Variants in VPS54 observed in about 807,000 individuals in gnomAD.
VPS54 encodes the protein vacuolar protein sorting-associated protein 54.
In VPS54, 45 loss-of-function variants were observed where a neutral mutation model predicts 121.5. That is an observed-to-expected ratio of 0.37 (90% CI 0.29 to 0.47). The LOEUF is 0.47. VPS54 is among the 20% of genes least tolerant of loss of function. VPS54 has a pLI of 0.99. For missense variants in VPS54, 1,090 were observed against 1,131.4 expected (o/e 0.96, Z 0.52); for synonymous variants, 371 against 385.8 (o/e 0.96, Z 0.45).
At chr2:63,942,772 T>C (rs776001017) in intron 10 of VPS54, among the ~76,000 whole-genome samples, 3 of 152,152 alleles carry the variant, frequency 2.0e-5, no homozygotes, top group African/African-American at 7.2e-5. Flanking sequence ...ATATCATATA[T>C]CAATTTCATA....
At chr2:63,902,980 C>CAACATAACATAACAT (rs70965151) in intron 20 of VPS54, among the ~76,000 whole-genome samples, 2,504 of 151,528 alleles carry the variant, frequency 0.017, 27 homozygotes, top group African/African-American at 0.027. Context: ...AATAACATAA[C>CAACATAACATAACAT]AACATAACAT....
At chr2:63,947,098 TATA>T (rs1469714026) in intron 9 of VPS54, among the ~76,000 whole-genome samples, 5 of 152,030 alleles carry the variant, frequency 3.3e-5, no homozygotes, top group East Asian at 3.9e-4. Context: ...TGAAAGCTTT[TATA>T]ATAATATGAG....
At chr2:63,911,131 T>C (rs953841156) in intron 20 of VPS54, among the ~76,000 whole-genome samples, 5 of 152,218 alleles carry the variant, frequency 3.3e-5, no homozygotes, top group Admixed American at 6.5e-5. Flanking sequence ...AGACACAATA[T>C]GTTACCGACT....
chr2:63,951,434 C>T (rs144465054), intron 7 of VPS54, among the ~76,000 whole-genome samples: 1 of 151,992 alleles, frequency 6.6e-6, no homozygotes. Context: ...TAAGAGATCA[C>T]CTTTTACTGT....
rs1265842185 is a variant in VPS54 at position 63,968,410 on chromosome 2, T to TA, written c.492+546dup. On this transcript the variant is annotated intron_variant, in intron 5 of 22. Transcript: ENST00000272322. ...TGTCAATTAAAAACATTTTTTCGTTTAAAAAAAAAAAAAGAAAAAGGCCAG... is the reference window on the plus strand; with the variant it reads ...TGTCAATTAAAAACATTTTTTCGTTTAAAAAAAAAAAAAAGAAAAAGGCCAG... 2.0e-3 allele frequency among the ~76,000 whole-genome samples: 287 copies of TA among 142,672 alleles called. 3 individuals are homozygous for TA. Among genetic ancestry groups the TA allele is most frequent in the African/African-American group, 5.6e-3 (217 of 38,944 alleles). 93.6% of individuals were successfully genotyped at this position (142,672 alleles called of 152,430 possible). A position where few individuals can be genotyped will look rare whatever the true frequency, so the allele number is the denominator to read the frequency against.
At chr2:63,971,931 G>A (rs1676301476) in intron 4 of VPS54, among the ~76,000 whole-genome samples, 1 of 152,036 alleles carries the variant, frequency 6.6e-6, no homozygotes, top group African/African-American at 2.4e-5. Context: ...AAGCAACAAG[G>A]AACATACCAA....
At chr2:64,003,760 T>C (rs547315272) in intron 1 of VPS54, among the ~76,000 whole-genome samples, 2 of 152,312 alleles carry the variant, frequency 1.3e-5, no homozygotes, top group East Asian at 3.9e-4. Flanking sequence ...AGATTTGATT[T>C]TCTTTCTTAT....
chr2:63,970,031 C>A (rs983555672), intron 4 of VPS54, among the ~76,000 whole-genome samples: 1 of 151,556 alleles, frequency 6.6e-6, no homozygotes, highest in Non-Finnish European at 1.5e-5. Context: ...AGATAAGGTA[C>A]TACTCTCCTC....
At chr2:63,988,188 G>A (rs1191738959) in intron 1 of VPS54, among the ~76,000 whole-genome samples, 1 of 152,188 alleles carries the variant, frequency 6.6e-6, no homozygotes, top group Non-Finnish European at 1.5e-5. Flanking sequence ...TTTGAGGAAT[G>A]TTCCTTCTAT....
rs537047614 is a variant in VPS54, at chr2:63,925,442, G to A, written c.1740-4107C>T. On this transcript the variant is annotated intron_variant, in intron 12 of 22. Coordinates refer to ENST00000272322, the MANE Select transcript of VPS54 (RefSeq NM_016516.3). ...ACACTTCTGAGGGGAGCATAAATGAGTACAACCACTTTGAGAAATTGTTAG... is the reference window on the plus strand; with the variant it reads ...ACACTTCTGAGGGGAGCATAAATGAATACAACCACTTTGAGAAATTGTTAG... Among the ~76,000 whole-genome samples the A allele has an allele frequency of 7.9e-5, 12 of 152,294 alleles. No individual in the cohort carries two copies. The South Asian group carries it at 2.5e-3, about 32-fold the overall frequency.
chr2:64,002,363 A>C (rs2104678509), intron 1 of VPS54, among the ~76,000 whole-genome samples: 2 of 152,308 alleles, frequency 1.3e-5, no homozygotes, highest in South Asian at 4.1e-4. Context: ...TAGTTGTTAA[A>C]TTTGGTGTTC....
chr2:63,966,945 C>T (rs1390818438), intron 5 of VPS54, among the ~76,000 whole-genome samples: 1 of 152,260 alleles, frequency 6.6e-6, no homozygotes, highest in East Asian at 1.9e-4. Context: ...ATCAAAAGGG[C>T]AAATGTGTCG....
chr2:63,999,510 A>G (rs1333585475), intron 1 of VPS54, among the ~76,000 whole-genome samples: 1 of 139,664 alleles, frequency 7.2e-6, no homozygotes, highest in African/African-American at 2.8e-5. Flanking sequence ...TGCTCCTTTT[A>G]GTATCCTTGC....
chr2:64,018,665 G>C (rs1032510478), intron 1 of VPS54, among the ~76,000 whole-genome samples: 2 of 151,558 alleles, frequency 1.3e-5, no homozygotes, highest in African/African-American at 4.9e-5. Flanking sequence ...AGATAAGAGA[G>C]GGGCAAGAGC....
At chr2:63,954,318 A>G (rs1354761673) in intron 7 of VPS54, among the ~76,000 whole-genome samples, 3 of 152,052 alleles carry the variant, frequency 2.0e-5, no homozygotes, top group Non-Finnish European at 4.4e-5. Context: ...ATTGATAAAA[A>G]TTAAAAAGAA....
chr2:63,935,855 G>C (rs948199306), intron 11 of VPS54, among the ~76,000 whole-genome samples: 1 of 152,106 alleles, frequency 6.6e-6, no homozygotes, highest in Non-Finnish European at 1.5e-5. Context: ...AAAAACTCCA[G>C]GTGAAAAATT....
intron 7 of VPS54, among the ~76,000 whole-genome samples, chr2:63,959,796 A>G (rs905257702): frequency 2.0e-5 from 3 of 152,052 alleles, no homozygotes; most frequent in Non-Finnish European, 4.4e-5. Flanking sequence ...CGACATGGGC[A>G]GATCACCGGA....
At chr2:63,942,593 A>G (rs1184873651) in intron 10 of VPS54, 32 bp from the exon 11 acceptor site, 1 of 1,518,262 alleles carries the variant, frequency 6.6e-7, no homozygotes, top group South Asian at 1.2e-5. Context: ...AAAAATAATG[A>G]TTGTCTCTGG....
Position 63,933,998 on chromosome 2 carries a change from T to C in VPS54, c.1414A>G (p.Ile472Val), listed in dbSNP as rs958191896. 2 of 1,611,578 alleles carry C rather than the reference T, an allele frequency of 1.2e-6. No individual in the cohort carries two copies. The highest frequency in any genetic ancestry group is 1.7e-6 in the Non-Finnish European group (2 of 1,178,708). ...LQRVKATLNI[I>V]HSVVLSVLDK... ...AGAACTGAGAGAACAACACTGTGAA[T>C]GATATTTAATGTTGCCTACAAGAAA... The change falls in exon 12 of 23, where the codon ATT (isoleucine) becomes GTT (valine). Residue 472 changes from isoleucine to valine, a missense_variant. Ile to Val is a conservative substitution (Grantham distance 29). Around this residue, in one of 2 missense-constraint regions of VPS54, gnomAD observed 801 missense variants for 757.0 expected, o/e 1.06. Transcript: ENST00000272322.
Sources: gnomAD v4.1 joint callset for allele counts (sites outside exome capture counted in the v4.1 genomes callset) on GRCh38, gnomAD v4.1.1 for gene constraint, gnomAD v4.1.1 regional missense constraint, MANE v1.5 for transcripts, NCBI Gene and HGNC (gene_info 2026-07-23, HGNC 2026-07-21) for gene names.